The following SPPL3 variants were observed in gnomAD, a reference collection of about 807,000 sequenced individuals.
The protein encoded by SPPL3 is signal peptide peptidase like 3.
Under a neutral mutation model 42.4 loss-of-function variants are expected in SPPL3, and 5 were observed. The ratio of observed to expected loss-of-function variants is 0.12; its 90% CI spans 0.06 to 0.25. The LOEUF is 0.25. Among genes scored for constraint, SPPL3 ranks in the 10% least tolerant of loss-of-function variants. The pLI is 1.00. For synonymous variants in SPPL3, 195 were observed against 181.8 expected (o/e 1.07, Z -0.58); for missense variants, 235 against 489.0 (o/e 0.48, Z 4.90).
intron 1 of SPPL3, among the ~76,000 whole-genome samples, chr12:120,833,222 G>A (rs1007239210): frequency 8.5e-5 from 13 of 152,086 alleles, no homozygotes; most frequent in Non-Finnish European, 1.9e-4. Context: ...CAATAAGAAC[G>A]ATGGCATAAT....
intron 2 of SPPL3, among the ~76,000 whole-genome samples, chr12:120,796,357 C>T (rs193108075): frequency 2.6e-5 from 4 of 152,126 alleles, no homozygotes; most frequent in Non-Finnish European, 4.4e-5. Context: ...GCCTGGACGA[C>T]AGAGCAACTC....
intron 1 of SPPL3, among the ~76,000 whole-genome samples, chr12:120,862,607 C>T (rs1872643652): frequency 6.6e-6 from 1 of 152,164 alleles, no homozygotes; most frequent in African/African-American, 2.4e-5. Context: ...ATGCACAGGG[C>T]AAGGAATGGA....
At chr12:120,903,737 C>A (rs932190535) in intron 1 of SPPL3, 108 bp downstream of exon 1, 15 of 655,876 alleles carry the variant, frequency 2.3e-5, no homozygotes, top group Non-Finnish European at 3.0e-5. Context: ...CCCGCGCCCC[C>A]CCCCCACGAC....
chr12:120,841,333 AAAAG>A (rs1255410073), intron 1 of SPPL3, among the ~76,000 whole-genome samples: 2 of 152,166 alleles, frequency 1.3e-5, no homozygotes. Context: ...CTCAGAAAAA[AAAAG>A]AAACAATGAG....
intron 1 of SPPL3, among the ~76,000 whole-genome samples, chr12:120,825,179 G>A (rs1871202606): frequency 1.3e-5 from 2 of 151,952 alleles, no homozygotes; most frequent in African/African-American, 2.4e-5. Flanking sequence ...CCAGAACAAT[G>A]TTCACAAATT....
At chr12:120,844,303 A>T (rs1369952150) in intron 1 of SPPL3, among the ~76,000 whole-genome samples, 1 of 152,194 alleles carries the variant, frequency 6.6e-6, no homozygotes, top group Non-Finnish European at 1.5e-5. Flanking sequence ...CCCCGTTATT[A>T]GCACCCTAAT....
At chr12:120,849,413 G>A (rs920152845) in intron 1 of SPPL3, among the ~76,000 whole-genome samples, 5 of 152,200 alleles carry the variant, frequency 3.3e-5, no homozygotes, top group African/African-American at 9.6e-5. Context: ...AAGTAGATAC[G>A]AATAGATTAA....
At chr12:120,874,476 AAAG>A (rs1398621280) in intron 1 of SPPL3, among the ~76,000 whole-genome samples, 113 of 151,984 alleles carry the variant, frequency 7.4e-4, no homozygotes, top group Non-Finnish European at 1.1e-3. Context: ...AAAAAGAATA[AAAG>A]AAATAAGTGA....
At chr12:120,803,596 A>C (rs191687786) in intron 2 of SPPL3, among the ~76,000 whole-genome samples, 32 of 152,242 alleles carry the variant, frequency 2.1e-4, no homozygotes, top group African/African-American at 7.7e-4. Flanking sequence ...TTTTTTGATA[A>C]TTCTACTATT....
At chr12:120,774,549 G>C (rs560955772) in intron 6 of SPPL3, among the ~76,000 whole-genome samples, 2 of 152,014 alleles carry the variant, frequency 1.3e-5, no homozygotes, top group South Asian at 4.2e-4. Flanking sequence ...GACCATCTAG[G>C]TCCTCCCCAC....
intron 2 of SPPL3, among the ~76,000 whole-genome samples, chr12:120,804,301 A>T (rs1304484013): frequency 1.3e-5 from 2 of 152,238 alleles, no homozygotes; most frequent in Non-Finnish European, 2.9e-5. Context: ...AGAAATAGAT[A>T]ACAATTATAA....
intron 1 of SPPL3, among the ~76,000 whole-genome samples, chr12:120,874,430 A>G (rs1418039519): frequency 3.5e-5 from 5 of 142,314 alleles, no homozygotes; most frequent in Admixed American, 2.9e-4. Flanking sequence ...TCCAGCCTAG[A>G]TGACAGAGCG....
chr12:120,780,272 TAA>T (rs1336074506), intron 6 of SPPL3, among the ~76,000 whole-genome samples: 10 of 147,048 alleles, frequency 6.8e-5, no homozygotes, highest in Non-Finnish European at 1.1e-4. Flanking sequence ...CCAGCCTGGG[TAA>T]CATAGTGAGA....
chr12:120,839,505 T>C (rs144760238), intron 1 of SPPL3, among the ~76,000 whole-genome samples: 3,465 of 152,224 alleles, frequency 0.023, 68 homozygotes, highest in South Asian at 0.051. Flanking sequence ...ACTTAAAGTA[T>C]AATAATAAAC....
intron 6 of SPPL3, among the ~76,000 whole-genome samples, chr12:120,772,196 AT>A (rs1240723466): frequency 1.3e-5 from 2 of 152,010 alleles, no homozygotes; most frequent in Non-Finnish European, 2.9e-5. Flanking sequence ...TAATTTTTGC[AT>A]TTTTAGTAGA....
In SPPL3 at chr12:120,763,953, A is replaced by G. The variant is rs1868770030; in HGVS notation, c.*1046T>C. On this transcript the variant is annotated 3_prime_UTR_variant, in exon 11 of 11. Coordinates refer to ENST00000353487, the MANE Select transcript of SPPL3 (RefSeq NM_139015.5). ...GTTACTATGATGAGAAAGCACAAAG[A>G]CACCTGCTGCTATAATACATGCATT... 1 of 152,610 alleles carries G rather than the reference A, an allele frequency of 6.6e-6. No individual in the cohort carries two copies. The highest frequency in any genetic ancestry group is 1.5e-5 in the Non-Finnish European group (1 of 68,040). 9.5% of individuals were successfully genotyped at this position (152,610 alleles called of 1,614,324 possible). A position where few individuals can be genotyped will look rare whatever the true frequency, so the allele number is the denominator to read the frequency against.
intron 2 of SPPL3, among the ~76,000 whole-genome samples, chr12:120,807,984 T>C (rs894808710): frequency 2.0e-5 from 3 of 151,992 alleles, no homozygotes; most frequent in African/African-American, 7.2e-5. Flanking sequence ...CTGGAGGTCC[T>C]GAAAACTGTT....
intron 1 of SPPL3, among the ~76,000 whole-genome samples, chr12:120,853,976 G>GCACACACACACACACACA (rs1246999754): frequency 1.6e-5 from 1 of 64,146 alleles, no homozygotes; most frequent in African/African-American, 6.9e-5. Context: ...CCACACACAC[G>GCACACACACACACACACA]CACACATACA....
In SPPL3 at chr12:120,903,959, C is replaced by G. The variant is rs7966446; in HGVS notation, c.-92G>C. The G allele has an allele frequency of 4.1e-4, 466 of 1,147,164 alleles. 3 individuals carry two copies. In the African/African-American group the frequency reaches 5.5e-3, roughly 14 times the overall value. 71.1% of individuals were successfully genotyped at this position (1,147,164 alleles called of 1,614,324 possible). On this transcript the variant is annotated 5_prime_UTR_variant, in exon 1 of 11. Transcript: ENST00000353487. ...CCGTAGCTGAAGGCGCGGCCGGGGT[C>G]CGGTGCTTGCTTGCTTGCTCGCTCG...
Sources: gnomAD v4.1 joint callset for allele counts (sites outside exome capture counted in the v4.1 genomes callset) on GRCh38, gnomAD v4.1.1 for gene constraint, MANE v1.5 for transcripts, NCBI Gene and HGNC (gene_info 2026-07-23, HGNC 2026-07-21) for gene names.